The following KIF14 variants were observed in gnomAD, a reference collection of about 807,000 sequenced individuals.
The protein encoded by KIF14 is kinesin-like protein KIF14.
KIF14 carries 98 observed loss-of-function variants against 176.2 expected under a neutral mutation model. The observed-to-expected ratio is 0.56, with a 90% confidence interval of 0.47 to 0.66. The LOEUF is 0.66. Ranked by LOEUF, KIF14 falls within the 30% of genes least tolerant of loss-of-function variation. KIF14 has a pLI of 0.00. For missense variants in KIF14, 1,751 were observed against 1,920.4 expected (o/e 0.91, Z 1.65); for synonymous variants, 566 against 632.2 (o/e 0.90, Z 1.57).
chr1:200,602,726 G>A (rs1167646114), intron 10 of KIF14, among the ~76,000 whole-genome samples: 1 of 152,128 alleles, frequency 6.6e-6, no homozygotes, highest in South Asian at 2.1e-4. Flanking sequence ...TAATCTGAAT[G>A]TAACATATTG....
In KIF14 at chr1:200,566,219, C is replaced by T. The variant is rs114947933; in HGVS notation, c.3662-550G>A. 9.0e-3 allele frequency among the ~76,000 whole-genome samples: 1,377 copies of T among 152,156 alleles called. 23 individuals are homozygous for T. The highest frequency in any genetic ancestry group is 0.031 in the African/African-American group (1,296 of 41,494). On this transcript the variant is annotated intron_variant, in intron 23 of 29. Transcript: ENST00000367350. ...GACAATAGAGAATCCAAATATCCCA[C>T]GTAACCACTGGGTTAATCTCTTTCT...
intron 11 of KIF14, among the ~76,000 whole-genome samples, chr1:200,600,936 G>A (rs781424758): frequency 3.3e-5 from 5 of 152,182 alleles, no homozygotes; most frequent in Non-Finnish European, 5.9e-5. Context: ...TGTCTAGAGT[G>A]CAGTGGTACG....
In KIF14 at chr1:200,580,390, GA is replaced by G; in HGVS notation, c.3336-8del. 1 of 1,444,124 alleles carries G rather than the reference GA, an allele frequency of 6.9e-7. No homozygotes were observed. Among genetic ancestry groups the G allele is most frequent in the Non-Finnish European group, 9.1e-7 (1 of 1,093,140 alleles). 89.5% of individuals were successfully genotyped at this position (1,444,124 alleles called of 1,614,324 possible). A position where few individuals can be genotyped will look rare whatever the true frequency, so the allele number is the denominator to read the frequency against. On this transcript the variant is annotated splice_polypyrimidine_tract_variant and splice_region_variant and intron_variant, in intron 20 of 29. Coordinates refer to ENST00000367350, the MANE Select transcript of KIF14 (RefSeq NM_014875.3). The stretch of plus-strand genomic sequence containing the variant: ...TTTATCTGATATATCATGTCTGAAA[GA>G]AAAATAAACAAAAAAAAGCTTATCC...
intron 10 of KIF14, among the ~76,000 whole-genome samples, chr1:200,602,947 T>C (rs1462929421): frequency 1.3e-5 from 2 of 152,198 alleles, no homozygotes; most frequent in African/African-American, 4.8e-5. Context: ...GTATTAAGAA[T>C]TGTACACTAA....
chr1:200,586,805 A>G (rs1426994249), intron 18 of KIF14, among the ~76,000 whole-genome samples: 3 of 148,210 alleles, frequency 2.0e-5, no homozygotes, highest in Admixed American at 6.8e-5. Flanking sequence ...ATATATATAT[A>G]TATATATATA....
chr1:200,574,753 G>A (rs574281704), intron 22 of KIF14, among the ~76,000 whole-genome samples: 2 of 152,220 alleles, frequency 1.3e-5, no homozygotes, highest in Admixed American at 1.3e-4. Flanking sequence ...CCCTTGAAAA[G>A]CATCTATTAT....
At chr1:200,570,099 TC>T in intron 22 of KIF14, 94 bp from the exon 23 acceptor site, 1 of 574,948 alleles carries the variant, frequency 1.7e-6, no homozygotes, top group South Asian at 4.0e-5. Context: ...AAATGGACAT[TC>T]ATGTGTGTGT....
intron 11 of KIF14, among the ~76,000 whole-genome samples, chr1:200,601,103 G>C (rs1178586772): frequency 1.3e-5 from 2 of 152,086 alleles, no homozygotes; most frequent in South Asian, 4.2e-4. Context: ...GGCTGGTCTC[G>C]AACTCCTGAC....
intron 18 of KIF14, 67 bp downstream of exon 18, chr1:200,589,150 A>T: frequency 7.5e-7 from 1 of 1,332,122 alleles, no homozygotes; most frequent in Non-Finnish European, 1.0e-6. Context: ...ACCATAAGCC[A>T]CTTCTTTGAA....
At chr1:200,593,920 C>A (rs1659181102) in intron 14 of KIF14, 151 bp from the exon 15 acceptor site, 1 of 440,744 alleles carries the variant, frequency 2.3e-6, no homozygotes, top group Non-Finnish European at 3.9e-6. Flanking sequence ...TTATTTTCCT[C>A]CAACTAGTTT....
In KIF14 at chr1:200,601,619, G is replaced by A. The variant is rs897555516; in HGVS notation, c.2152+277C>T. 6.6e-5 allele frequency among the ~76,000 whole-genome samples: 10 copies of A among 152,248 alleles called. No individual in the cohort carries two copies. In the South Asian group the frequency reaches 1.2e-3, roughly 19 times the overall value. On this transcript the variant is annotated intron_variant, in intron 11 of 29. Transcript: ENST00000367350. ...GTTTTATTGGCATTTTGCTGCACACGTCTATGACTGTGTAAATTTATTGTT... is the reference window on the plus strand; with the variant it reads ...GTTTTATTGGCATTTTGCTGCACACATCTATGACTGTGTAAATTTATTGTT...
chr1:200,566,779 C>G (rs1172260446), intron 23 of KIF14, among the ~76,000 whole-genome samples: 1 of 151,878 alleles, frequency 6.6e-6, no homozygotes, highest in Non-Finnish European at 1.5e-5. Context: ...GATTAATTTT[C>G]CCTAAAGAAC....
chr1:200,576,339 G>A (rs1437725079), intron 21 of KIF14, among the ~76,000 whole-genome samples: 7 of 151,746 alleles, frequency 4.6e-5, no homozygotes, highest in Admixed American at 4.6e-4. Context: ...TTAGCCGGGC[G>A]TGGTAGCGGG....
intron 11 of KIF14, among the ~76,000 whole-genome samples, chr1:200,601,210 TCCC>T (rs1323967765): frequency 6.6e-6 from 1 of 152,016 alleles, no homozygotes; most frequent in Non-Finnish European, 1.5e-5. Context: ...ATGAAAACAG[TCCC>T]ACTTGTGAAA....
intron 4 of KIF14, among the ~76,000 whole-genome samples, chr1:200,609,978 A>G (rs1660071078): frequency 6.6e-6 from 1 of 152,252 alleles, no homozygotes; most frequent in Non-Finnish European, 1.5e-5. Flanking sequence ...ATTTATATGA[A>G]ATTTCCAGAA....
intron 20 of KIF14, 78 bp downstream of exon 20, chr1:200,581,115 GAAAAAAAA>G (rs368717102): frequency 3.1e-4 from 90 of 291,264 alleles, no homozygotes; most frequent in South Asian, 3.9e-4. Context: ...CTCTGTCTCA[GAAAAAAAA>G]AAAAAAAAAA....
chr1:200,566,110 T>A (rs1657432603), intron 23 of KIF14, among the ~76,000 whole-genome samples: 1 of 152,164 alleles, frequency 6.6e-6, no homozygotes. Context: ...TATGCTAAAG[T>A]GAAAACACAA....
chr1:200,581,133 A>AAAT, intron 20 of KIF14, 68 bp downstream of exon 20: 2 of 774,800 alleles, frequency 2.6e-6, no homozygotes, highest in Non-Finnish European at 4.1e-6. Context: ...AAAAAAAAAA[A>AAAT]GAGAAACTAA....
intron 19 of KIF14, among the ~76,000 whole-genome samples, chr1:200,582,306 T>A (rs986571715): frequency 1.4e-4 from 21 of 151,968 alleles, no homozygotes; most frequent in African/African-American, 5.1e-4. Flanking sequence ...CCCAGGAGTT[T>A]GAGGTTGCAG....
Sources: gnomAD v4.1 joint callset for allele counts (sites outside exome capture counted in the v4.1 genomes callset) on GRCh38, gnomAD v4.1.1 for gene constraint, MANE v1.5 for transcripts, NCBI Gene and HGNC (gene_info 2026-07-23, HGNC 2026-07-21) for gene names.